The following CNTN5 variants were observed in gnomAD, a reference collection of about 807,000 sequenced individuals.
CNTN5 encodes contactin 5, also known as contactin-5.
CNTN5 carries 77 observed loss-of-function variants against 129.1 expected under a neutral mutation model. That is an observed-to-expected ratio of 0.60 (90% CI 0.50 to 0.72). The LOEUF (loss-of-function observed/expected upper bound fraction) is 0.72, where lower values mean the gene tolerates loss of function less well. CNTN5 is among the 30% of genes least tolerant of loss of function. CNTN5 has a pLI of 0.00. For synonymous variants in CNTN5, 509 were observed against 465.6 expected (o/e 1.09, Z -1.20); for missense variants, 1,478 against 1,328.8 (o/e 1.11, Z -1.75).
intron 8 of CNTN5, among the ~76,000 whole-genome samples, chr11:99,972,725 A>C (rs984793866): frequency 6.6e-6 from 1 of 152,152 alleles, no homozygotes; most frequent in African/African-American, 2.4e-5. Flanking sequence ...CAAATGCACC[A>C]TCTGGACATA....
intron 1 of CNTN5, among the ~76,000 whole-genome samples, chr11:99,035,666 C>G (rs896496972): frequency 8.6e-5 from 13 of 151,676 alleles, no homozygotes; most frequent in Admixed American, 2.0e-4. Flanking sequence ...ATGTGTGTCT[C>G]TGCAAGTGAG....
intron 2 of CNTN5, among the ~76,000 whole-genome samples, chr11:99,535,342 G>A (rs750216430): frequency 1.3e-5 from 2 of 152,174 alleles, no homozygotes; most frequent in Non-Finnish European, 2.9e-5. Context: ...GAGGATGAGA[G>A]AGAGGTAGAT....
intron 2 of CNTN5, among the ~76,000 whole-genome samples, chr11:99,371,022 C>T (rs982257009): frequency 6.6e-6 from 1 of 152,084 alleles, no homozygotes; most frequent in Non-Finnish European, 1.5e-5. Flanking sequence ...TTGCTCTGCT[C>T]AGGGTAATTG....
intron 2 of CNTN5, among the ~76,000 whole-genome samples, chr11:99,424,015 C>G (rs1054108237): frequency 6.6e-6 from 1 of 152,104 alleles, no homozygotes; most frequent in Non-Finnish European, 1.5e-5. Context: ...GTGTCTGAAA[C>G]TTTGGCAAAT....
At chr11:100,016,291 C>A (rs921188542) in intron 9 of CNTN5, among the ~76,000 whole-genome samples, 1 of 151,998 alleles carries the variant, frequency 6.6e-6, no homozygotes, top group Non-Finnish European at 1.5e-5. Flanking sequence ...CTCCTATGCC[C>A]ATATCATACA....
intron 13 of CNTN5, among the ~76,000 whole-genome samples, chr11:100,118,761 G>A (rs769120218): frequency 1.8e-4 from 27 of 151,650 alleles, no homozygotes; most frequent in Non-Finnish European, 3.8e-4. Flanking sequence ...CATAGAATGT[G>A]TTTTCTCTTT....
At chr11:99,043,357 C>T (rs1458381301) in intron 1 of CNTN5, among the ~76,000 whole-genome samples, 5 of 140,676 alleles carry the variant, frequency 3.6e-5, no homozygotes, top group African/African-American at 5.3e-5. Flanking sequence ...GTGGGTGCAG[C>T]GCACCAGCAT....
At chr11:100,191,077 G>T in intron 13 of CNTN5, 49 bp from the exon 14 acceptor site, 1 of 1,335,546 alleles carries the variant, frequency 7.5e-7, no homozygotes, top group Non-Finnish European at 1.0e-6. Flanking sequence ...TTACTATTTA[G>T]CTGATTGCAG....
chr11:99,972,372 C>T (rs1331387367), intron 8 of CNTN5, among the ~76,000 whole-genome samples: 1 of 152,116 alleles, frequency 6.6e-6, no homozygotes, highest in Non-Finnish European at 1.5e-5. Flanking sequence ...TTTTTTCACT[C>T]CAGAATTGTG....
intron 21 of CNTN5, among the ~76,000 whole-genome samples, chr11:100,329,429 A>G (rs1398343507): frequency 6.6e-6 from 1 of 152,230 alleles, no homozygotes; most frequent in Admixed American, 6.5e-5. Flanking sequence ...ATACTTAAAC[A>G]GCTGTGCTTA....
intron 16 of CNTN5, among the ~76,000 whole-genome samples, chr11:100,234,815 AAAG>A (rs1363541354): frequency 1.4e-4 from 21 of 148,898 alleles, no homozygotes; most frequent in African/African-American, 3.0e-4. Context: ...AAAAAAAAAA[AAAG>A]AAGAAGAAGG....
chr11:99,242,210 A>G (rs1005111960), intron 1 of CNTN5, among the ~76,000 whole-genome samples: 4 of 152,154 alleles, frequency 2.6e-5, no homozygotes, highest in Non-Finnish European at 4.4e-5. Context: ...GAAATATGCT[A>G]TTGCTTCAAA....
intron 2 of CNTN5, among the ~76,000 whole-genome samples, chr11:99,472,154 G>A (rs1591119554): frequency 6.6e-6 from 1 of 152,036 alleles, no homozygotes; most frequent in South Asian, 2.1e-4. Flanking sequence ...AGTCTCCATC[G>A]AGGCACAAAG....
rs547319750 is a variant in CNTN5, at chr11:99,917,367, C to G, written c.673+1218C>G. Among the ~76,000 whole-genome samples, 4 of 152,136 alleles carry G rather than the reference C, an allele frequency of 2.6e-5. No individual in the cohort carries two copies. In the South Asian group the frequency reaches 8.3e-4, roughly 32 times the overall value. On this transcript the variant is annotated intron_variant, in intron 7 of 24. Transcript: ENST00000524871. ...AATCCAGATTTAGGTTCTTTCAAGA[C>G]AACATCTGTTTTAATTTTTTTAATG...
chr11:99,666,651 C>T lies in CNTN5; in HGVS notation c.55+110382C>T, dbSNP rs1183298170. ...CATGCTCTTTGGTGGAGTTCGGAGA[C>T]AGCCGCAATGGCATGGATGTGTCAT... On this transcript the variant is annotated intron_variant, in intron 3 of 24. Transcript: ENST00000524871. 5.3e-5 allele frequency among the ~76,000 whole-genome samples: 8 copies of T among 152,282 alleles called. No individual in the cohort carries two copies. The East Asian group carries it at 1.5e-3, about 29-fold the overall frequency.
intron 1 of CNTN5, among the ~76,000 whole-genome samples, chr11:99,221,207 A>C (rs1217847913): frequency 6.6e-6 from 1 of 151,922 alleles, no homozygotes; most frequent in Non-Finnish European, 1.5e-5. Context: ...TCATTTATGA[A>C]TCACTCTATA....
chr11:99,439,562 G>A (rs970929154), intron 2 of CNTN5, among the ~76,000 whole-genome samples: 4 of 151,610 alleles, frequency 2.6e-5, no homozygotes, highest in Non-Finnish European at 5.9e-5. Context: ...ACAAAAATTA[G>A]CCTGGCGTGG....
chr11:100,353,642 G>A (rs1166098878), intron 24 of CNTN5, among the ~76,000 whole-genome samples: 2 of 151,420 alleles, frequency 1.3e-5, no homozygotes, highest in Non-Finnish European at 3.0e-5. Context: ...TTGTCATCTC[G>A]CCTTTCTTAT....
chr11:99,687,484 T>C (rs190245970), intron 3 of CNTN5, among the ~76,000 whole-genome samples: 1 of 152,210 alleles, frequency 6.6e-6, no homozygotes, highest in Admixed American at 6.5e-5. Context: ...CAACTTTAAC[T>C]GTCCCAGTTC....
Sources: allele counts gnomAD v4.1 joint callset (sites outside exome capture counted in the v4.1 genomes callset), GRCh38; gene constraint gnomAD v4.1.1; transcripts MANE v1.5; gene names NCBI Gene and HGNC (gene_info 2026-07-23, HGNC 2026-07-21).